Variants in TNFRSF21 observed in about 807,000 individuals in gnomAD.
TNFRSF21 encodes the protein tumor necrosis factor receptor superfamily member 21.
TNFRSF21 carries 19 observed loss-of-function variants against 45.6 expected under a neutral mutation model. The ratio of observed to expected loss-of-function variants is 0.42; its 90% confidence interval spans 0.29 to 0.61. The LOEUF is 0.61. Ranked by LOEUF, TNFRSF21 falls within the 20% of genes least tolerant of loss-of-function variation. The probability of loss-of-function intolerance (pLI) is 0.23; values close to 1 mark genes in which losing one functional copy is unlikely to be tolerated. For missense variants in TNFRSF21, 737 were observed against 851.5 expected (o/e 0.87, Z 1.67); for synonymous variants, 314 against 335.5 (o/e 0.94, Z 0.70).
At chr6:47,283,174 T>G (rs945204223) in intron 3 of TNFRSF21, among the ~76,000 whole-genome samples, 9 of 152,274 alleles carry the variant, frequency 5.9e-5, no homozygotes, top group Admixed American at 2.0e-4. Flanking sequence ...TACTGCACAG[T>G]CTGAAAACTG....
chr6:47,268,127 A>G (rs547100248), intron 3 of TNFRSF21, among the ~76,000 whole-genome samples: 1 of 152,326 alleles, frequency 6.6e-6, no homozygotes, highest in South Asian at 2.1e-4. Context: ...CCAAGGCCAC[A>G]TGCCTGAGAG....
At chr6:47,253,066 A>G (rs1009083896) in intron 4 of TNFRSF21, among the ~76,000 whole-genome samples, 190 bp downstream of exon 4, 1 of 151,960 alleles carries the variant, frequency 6.6e-6, no homozygotes, top group Non-Finnish European at 1.5e-5. Context: ...GATGATTCTA[A>G]TAGACGGCCA....
rs1764594763 is a variant in TNFRSF21 at position 47,232,284 on chromosome 6, A to G, written c.*481T>C. 1 of 152,814 alleles carries G rather than the reference A, an allele frequency of 6.5e-6. No homozygotes were observed. The highest frequency in any genetic ancestry group is 2.1e-4 in the South Asian group (1 of 4,828). The allele number at this position is 152,814 out of a possible 1,614,324, so 9.5% of individuals were successfully genotyped here. On this transcript the variant is annotated 3_prime_UTR_variant, in exon 6 of 6. Transcript: ENST00000296861. ...AAATAGTAATAATATTTGTTTTTAAAAAGTAGGTGTGAATGTTAAGAGACA... is the reference window on the plus strand; with the variant it reads ...AAATAGTAATAATATTTGTTTTTAAGAAGTAGGTGTGAATGTTAAGAGACA...
rs545762422 is a variant in TNFRSF21, at chr6:47,309,350, G to A, written c.96+66C>T. 107 of 1,483,748 alleles carry A rather than the reference G, an allele frequency of 7.2e-5. No individual in the cohort carries two copies. The African/African-American group carries it at 1.3e-3, about 18-fold the overall frequency. 91.9% of individuals were successfully genotyped at this position (1,483,748 alleles called of 1,614,324 possible). On this transcript the variant is annotated intron_variant, in intron 1 of 5. Transcript: ENST00000296861. ...TAAGCCCCGGCCCGGTGACCCGCCC[G>A]GCTCCCGGAGAGCGGTTCCTTCTGC... is the stretch of plus-strand genomic sequence containing the variant.
intron 3 of TNFRSF21, among the ~76,000 whole-genome samples, chr6:47,259,608 C>T (rs1765042077): frequency 6.6e-6 from 1 of 152,176 alleles, no homozygotes; most frequent in Non-Finnish European, 1.5e-5. Flanking sequence ...CTCCTGGCCT[C>T]AAGTGATCCA....
chr6:47,262,617 C>T (rs1346772391), intron 3 of TNFRSF21, among the ~76,000 whole-genome samples: 1 of 152,126 alleles, frequency 6.6e-6, no homozygotes, highest in Non-Finnish European at 1.5e-5. Flanking sequence ...GAGGCTGCCA[C>T]ATCTAAGAGA....
chr6:47,234,256 C>T (rs926320359), intron 5 of TNFRSF21, among the ~76,000 whole-genome samples: 3 of 152,268 alleles, frequency 2.0e-5, no homozygotes, highest in Admixed American at 6.5e-5. Context: ...GGATTACAGG[C>T]GTGAGCTGCT....
rs1029725229 is a variant in TNFRSF21, at chr6:47,253,192, G to C, written c.1509+64C>G. On this transcript the variant is annotated intron_variant, in intron 4 of 5. Coordinates refer to ENST00000296861, the MANE Select transcript of TNFRSF21 (RefSeq NM_014452.5). Reference sequence around the variant, plus strand: ...TATTTTTCTTTGTTCCCATACAACTGATAAAATTTGAAGCATAGGGGCAAT... The same window carrying C: ...TATTTTTCTTTGTTCCCATACAACTCATAAAATTTGAAGCATAGGGGCAAT... 1.3e-5 allele frequency: 21 copies of C among 1,562,630 alleles called. No individual in the cohort carries two copies. The Admixed American group carries it at 2.4e-4, about 18-fold the overall frequency.
At chr6:47,291,816 T>C (rs140302580) in intron 1 of TNFRSF21, among the ~76,000 whole-genome samples, 1 of 152,346 alleles carries the variant, frequency 6.6e-6, no homozygotes, top group East Asian at 1.9e-4. Flanking sequence ...AAGTAAACAG[T>C]TAACCCAATC....
chr6:47,274,994 T>C (rs528436558), intron 3 of TNFRSF21, among the ~76,000 whole-genome samples: 14 of 152,296 alleles, frequency 9.2e-5, no homozygotes, highest in Admixed American at 2.6e-4. Flanking sequence ...AAACAACAGA[T>C]ACTGGAGAGG....
chr6:47,309,705 G>A lies in TNFRSF21; in HGVS notation c.-194C>T. ...GAGGCTCTAGGGGCGCTCAGCACCT[G>A]CCCAGCGGCGCGGCCGCCCAGGCGG... is the stretch of plus-strand genomic sequence containing the variant. On this transcript the variant is annotated 5_prime_UTR_variant, in exon 1 of 6. Transcript: ENST00000296861. The A allele has an allele frequency of 1.3e-6, 1 of 742,748 alleles. No homozygotes were observed. The highest frequency in any genetic ancestry group is 1.9e-6 in the Non-Finnish European group (1 of 535,802). 46.0% of individuals were successfully genotyped at this position (742,748 alleles called of 1,614,324 possible).
chr6:47,269,604 T>C (rs1248176818), intron 3 of TNFRSF21, among the ~76,000 whole-genome samples: 1 of 152,212 alleles, frequency 6.6e-6, no homozygotes, highest in Non-Finnish European at 1.5e-5. Context: ...TAATTCAGAA[T>C]TGGGCAGACT....
chr6:47,247,938 T>C (rs1764847307), intron 4 of TNFRSF21, among the ~76,000 whole-genome samples: 2 of 152,180 alleles, frequency 1.3e-5, no homozygotes, highest in Non-Finnish European at 2.9e-5. Flanking sequence ...GAAATTATAG[T>C]GTAGTTTTAA....
intron 3 of TNFRSF21, among the ~76,000 whole-genome samples, chr6:47,273,359 C>T (rs1388566073): frequency 3.9e-5 from 6 of 152,190 alleles, no homozygotes; most frequent in Non-Finnish European, 7.3e-5. Flanking sequence ...GCTGGTTCAA[C>T]ATATGCAAAT....
intron 1 of TNFRSF21, among the ~76,000 whole-genome samples, chr6:47,300,435 T>A (rs1373215070): frequency 6.6e-6 from 1 of 152,244 alleles, no homozygotes; most frequent in African/African-American, 2.4e-5. Flanking sequence ...CCTGAATTAC[T>A]GTAAAATGTG....
At chr6:47,255,854 TA>T (rs199620719) in intron 3 of TNFRSF21, among the ~76,000 whole-genome samples, 7 of 148,258 alleles carry the variant, frequency 4.7e-5, no homozygotes, top group South Asian at 2.1e-4. Context: ...TACTACTCAA[TA>T]AAAAAAAATA....
chr6:47,300,653 T>C (rs1157225739), intron 1 of TNFRSF21, among the ~76,000 whole-genome samples: 1 of 152,144 alleles, frequency 6.6e-6, no homozygotes, highest in Non-Finnish European at 1.5e-5. Flanking sequence ...CCCCATTCAC[T>C]GAGCAGCAAC....
At chr6:47,284,480 A>G in intron 2 of TNFRSF21, 48 bp from the exon 3 acceptor site, 1 of 1,495,206 alleles carries the variant, frequency 6.7e-7, no homozygotes, top group Non-Finnish European at 8.9e-7. Context: ...ATATTTGGGG[A>G]TCTATACATT....
intron 3 of TNFRSF21, among the ~76,000 whole-genome samples, chr6:47,269,683 A>C (rs999259167): frequency 1.4e-4 from 21 of 152,376 alleles, no homozygotes; most frequent in Middle Eastern, 6.8e-3. Flanking sequence ...CCAAGAGATA[A>C]TGTACCAAAC....
Sources: gnomAD v4.1 joint callset for allele counts (sites outside exome capture counted in the v4.1 genomes callset) on GRCh38, gnomAD v4.1.1 for gene constraint, MANE v1.5 for transcripts, NCBI Gene and HGNC (gene_info 2026-07-23, HGNC 2026-07-21) for gene names.